Variants in FAM227B observed in about 807,000 individuals in gnomAD.
FAM227B encodes protein FAM227B.
A neutral mutation model predicts 73.8 loss-of-function variants in FAM227B; 88 were observed. The observed-to-expected ratio is 1.19, with a 90% CI of 1.00 to 1.42. The LOEUF (loss-of-function observed/expected upper bound fraction) is 1.42. Ranked by LOEUF, FAM227B falls within the 40% of genes most tolerant of loss-of-function variation. The probability of loss-of-function intolerance (pLI) is 0.00; values close to 1 mark genes in which losing one functional copy is unlikely to be tolerated. For missense variants in FAM227B, 632 were observed against 590.9 expected, an observed-to-expected ratio of 1.07 and a Z score of -0.72; for synonymous variants, 210 against 190.5, an observed-to-expected ratio of 1.10 and a Z score of -0.84.
Position 49,372,122 on chromosome 15 carries a change from A to C in FAM227B, c.1013-723T>G, listed in dbSNP as rs183249322. Among the ~76,000 whole-genome samples, 196 of 99,422 alleles carry C rather than the reference A, an allele frequency of 2.0e-3. 5 individuals are homozygous for C. Among genetic ancestry groups the C allele is most frequent in the East Asian group, 3.9e-3 (15 of 3,828 alleles). 65.2% of individuals were successfully genotyped at this position (99,422 alleles called of 152,430 possible). ...AATGAAATAAAATTCATTTATAAAT[A>C]AATGAAATAAAATTCATTTATAAAT... is the stretch of plus-strand genomic sequence containing the variant. On this transcript the variant is annotated intron_variant, in intron 11 of 15. Transcript: ENST00000299338.
intron 9 of FAM227B, among the ~76,000 whole-genome samples, chr15:49,543,337 C>T (rs1349507811): frequency 6.6e-6 from 1 of 152,052 alleles, no homozygotes; most frequent in African/African-American, 2.4e-5. Context: ...ATGTCCTTTG[C>T]CCACTTTTTA....
chr15:49,513,953 A>G (rs1456071067), intron 10 of FAM227B, among the ~76,000 whole-genome samples: 2 of 152,016 alleles, frequency 1.3e-5, no homozygotes, highest in African/African-American at 2.4e-5. Context: ...CCACTGGTCT[A>G]TATGTCTGTT....
At chr15:49,415,320 T>C (rs1273948449) in intron 11 of FAM227B, among the ~76,000 whole-genome samples, 5 of 152,172 alleles carry the variant, frequency 3.3e-5, no homozygotes, top group African/African-American at 1.2e-4. Context: ...GATGTCCTTC[T>C]AGGGATGAAG....
At chr15:49,543,695 C>T (rs1001205629) in intron 9 of FAM227B, among the ~76,000 whole-genome samples, 2 of 151,970 alleles carry the variant, frequency 1.3e-5, no homozygotes, top group South Asian at 4.1e-4. Flanking sequence ...AGACAAGTAT[C>T]CAGCTTTATT....
At chr15:49,486,780 T>C (rs2056433755) in intron 11 of FAM227B, 1 of 151,932 alleles carries the variant, frequency 6.6e-6, no homozygotes, top group Admixed American at 6.6e-5. Context: ...ATATGTACTT[T>C]AATTATTTGT....
intron 9 of FAM227B, among the ~76,000 whole-genome samples, chr15:49,551,316 T>C (rs1354404375): frequency 1.3e-5 from 2 of 152,196 alleles, no homozygotes; most frequent in Non-Finnish European, 2.9e-5. Flanking sequence ...TAAATTGTTA[T>C]ATCCTCTTGC....
chr15:49,358,275 T>C (rs1159226784), intron 13 of FAM227B, among the ~76,000 whole-genome samples: 2 of 141,594 alleles, frequency 1.4e-5, no homozygotes, highest in African/African-American at 5.3e-5. Flanking sequence ...GGTATTCAAT[T>C]AGGAAAAGAG....
rs1173904998 is a variant in FAM227B at position 49,351,637 on chromosome 15, T to TA, written c.1271+15810dup. On this transcript the variant is annotated intron_variant, in intron 13 of 15. Transcript: ENST00000299338. ...GGACCTAAAGACAAAGATCAGCGTG[T>TA]AGGAGGCTTATTTGAGTGCTCTTGG... Among the ~76,000 whole-genome samples, 3 of 152,184 alleles carry TA rather than the reference T, an allele frequency of 2.0e-5. No homozygotes were observed. In the East Asian group the frequency reaches 5.8e-4, roughly 29 times the overall value.
intron 3 of FAM227B, among the ~76,000 whole-genome samples, chr15:49,598,124 G>C (rs1654314844): frequency 6.6e-6 from 1 of 152,044 alleles, no homozygotes; most frequent in African/African-American, 2.4e-5. Context: ...ATCATTCTAT[G>C]AAGCCAGTAT....
At chr15:49,382,276 T>C (rs2151527263) in intron 11 of FAM227B, among the ~76,000 whole-genome samples, 1 of 152,168 alleles carries the variant, frequency 6.6e-6, no homozygotes, top group South Asian at 2.1e-4. Flanking sequence ...GGTGTGGACA[T>C]AAAATTAGGT....
At chr15:49,445,970 T>C (rs2052164365) in intron 11 of FAM227B, among the ~76,000 whole-genome samples, 1 of 151,586 alleles carries the variant, frequency 6.6e-6, no homozygotes, top group Non-Finnish European at 1.5e-5. Flanking sequence ...ATCTACATTA[T>C]AATTTTATAT....
chr15:49,538,732 T>C (rs1857992), intron 10 of FAM227B, among the ~76,000 whole-genome samples: 2 of 151,644 alleles, frequency 1.3e-5, no homozygotes, highest in African/African-American at 4.9e-5. Flanking sequence ...TGATCAAGTC[T>C]GCTGTTGACA....
chr15:49,366,757 G>A, intron 13 of FAM227B: 2 of 749,820 alleles, frequency 2.7e-6, no homozygotes, highest in Non-Finnish European at 4.3e-6. Flanking sequence ...TCCCGCCACT[G>A]CGCTGCCTCC....
At chr15:49,367,816 TATC>T (rs2045445075) in intron 12 of FAM227B, 2 of 324,328 alleles carry the variant, frequency 6.2e-6, no homozygotes, top group Admixed American at 1.0e-4. Flanking sequence ...TCTTTTGAGT[TATC>T]ATCAGACTTG....
chr15:49,594,311 A>T (rs2076769315), intron 3 of FAM227B, among the ~76,000 whole-genome samples: 2 of 151,468 alleles, frequency 1.3e-5, no homozygotes, highest in African/African-American at 2.4e-5. Context: ...TTCCTTGTAG[A>T]CTCTGGATAT....
chr15:49,460,534 C>A (rs945466262), intron 11 of FAM227B, among the ~76,000 whole-genome samples: 1 of 152,188 alleles, frequency 6.6e-6, no homozygotes, highest in Non-Finnish European at 1.5e-5. Flanking sequence ...TATATTTTGA[C>A]ATTTCTTCAC....
At chr15:49,517,791 T>C (rs2059481615) in intron 10 of FAM227B, among the ~76,000 whole-genome samples, 1 of 152,192 alleles carries the variant, frequency 6.6e-6, no homozygotes. Flanking sequence ...TCTGTTCTAG[T>C]TACTACCCAT....
At chr15:49,381,268 T>A (rs1307623459) in intron 11 of FAM227B, among the ~76,000 whole-genome samples, 2 of 152,146 alleles carry the variant, frequency 1.3e-5, no homozygotes, top group African/African-American at 4.8e-5. Context: ...AGGGCACACA[T>A]ATCCAAATCA....
chr15:49,356,062 G>A (rs1459730357), intron 13 of FAM227B, among the ~76,000 whole-genome samples: 1 of 147,842 alleles, frequency 6.8e-6, no homozygotes, highest in East Asian at 2.0e-4. Context: ...TCACCAACAG[G>A]CCTGCCTTAC....
Sources: allele counts gnomAD v4.1 joint callset (sites outside exome capture counted in the v4.1 genomes callset), GRCh38; gene constraint gnomAD v4.1.1; transcripts MANE v1.5; gene names NCBI Gene and HGNC (gene_info 2026-07-23, HGNC 2026-07-21).